The following CD2 variants were observed in gnomAD, a reference collection of about 807,000 sequenced individuals.
CD2 encodes T-cell surface antigen CD2.
In CD2, 18 loss-of-function variants were observed where a neutral mutation model predicts 23.2. That is an observed-to-expected ratio of 0.77 (90% confidence interval 0.54 to 1.15). CD2 has a LOEUF of 1.15. Ranked by LOEUF, CD2 falls within the 50% of genes most tolerant of loss-of-function variation. The pLI, the probability that CD2 is intolerant of heterozygous loss-of-function variation, is 0.00. For missense variants in CD2, 424 were observed against 423.1 expected, an observed-to-expected ratio of 1.00 and a Z score of -0.02; for synonymous variants, 162 against 151.9, an observed-to-expected ratio of 1.07 and a Z score of -0.49.
At chr1:116,765,908 G>A (rs992302412) in intron 4 of CD2, among the ~76,000 whole-genome samples, 1 of 152,262 alleles carries the variant, frequency 6.6e-6, no homozygotes, top group African/African-American at 2.4e-5. Context: ...AGTGCATCCA[G>A]CTTTCAGAGT....
In CD2 at chr1:116,764,618, C is replaced by G. The variant is rs367590649; in HGVS notation, c.736+12C>G. On this transcript the variant is annotated intron_variant, in intron 4 of 4. Transcript: ENST00000369478. ...GAGTCGGAGAAATGGTAAGCTCCCCCTCTTTTGTCCCACCGCAGGCCCCAG... is the reference window on the plus strand; with the variant it reads ...GAGTCGGAGAAATGGTAAGCTCCCCGTCTTTTGTCCCACCGCAGGCCCCAG... 21 of 1,610,502 alleles carry G rather than the reference C, an allele frequency of 1.3e-5. No homozygotes were observed. The highest frequency in any genetic ancestry group is 1.7e-4 in the Middle Eastern group (1 of 5,992).
intron 4 of CD2, among the ~76,000 whole-genome samples, chr1:116,766,843 C>T (rs1369347028): frequency 6.6e-6 from 1 of 152,008 alleles, no homozygotes; most frequent in African/African-American, 2.4e-5. Context: ...GTCTGGGCAA[C>T]AGAGCAAGGC....
chr1:116,760,550 C>T lies in CD2; in HGVS notation c.531C>T (p.Thr177=). Residue 177 remains threonine, a synonymous_variant, in exon 3 of 5, where the codon ACC becomes ACT. Coordinates refer to ENST00000369478, the MANE Select transcript of CD2 (RefSeq NM_001767.5). ...LSQRVITHKW[T]TSLSAKFKCT... is the part of the protein sequence containing the mutation. Reference sequence around the variant, plus strand: ...AGAGGGTCATCACACACAAGTGGACCACCAGCCTGAGTGCAAAATTCAAGT... The same window carrying T: ...AGAGGGTCATCACACACAAGTGGACTACCAGCCTGAGTGCAAAATTCAAGT... 1 of 1,614,192 alleles carries T rather than the reference C, an allele frequency of 6.2e-7. No individual in the cohort carries two copies. The highest frequency in any genetic ancestry group is 1.1e-5 in the South Asian group (1 of 91,078).
At chr1:116,765,379 A>G (rs1280070595) in intron 4 of CD2, among the ~76,000 whole-genome samples, 1 of 152,200 alleles carries the variant, frequency 6.6e-6, no homozygotes, top group Non-Finnish European at 1.5e-5. Flanking sequence ...TAGAACCGGC[A>G]GGCACAGCCA....
chr1:116,761,553 C>A (rs1302775157), intron 3 of CD2, among the ~76,000 whole-genome samples: 2 of 152,170 alleles, frequency 1.3e-5, no homozygotes, highest in Non-Finnish European at 2.9e-5. Context: ...GTGCCCAGGA[C>A]AAAAGTCGTG....
At chr1:116,767,970 G>A (rs189351319) in intron 4 of CD2, among the ~76,000 whole-genome samples, 43 of 152,324 alleles carry the variant, frequency 2.8e-4, no homozygotes, top group African/African-American at 1.0e-3. Flanking sequence ...AAAGTTCCTT[G>A]CATGTGTTCC....
chr1:116,762,403 C>T (rs1364199731), intron 3 of CD2, among the ~76,000 whole-genome samples: 1 of 152,142 alleles, frequency 6.6e-6, no homozygotes, highest in African/African-American at 2.4e-5. Flanking sequence ...GGCTGGAACA[C>T]TTATGTCCCT....
At chr1:116,759,250 C>T (rs931468654) in intron 2 of CD2, among the ~76,000 whole-genome samples, 4 of 152,048 alleles carry the variant, frequency 2.6e-5, no homozygotes, top group Non-Finnish European at 4.4e-5. Flanking sequence ...TTCTGCATGC[C>T]TATATATATC....
At chr1:116,766,899 G>T (rs1215916082) in intron 4 of CD2, among the ~76,000 whole-genome samples, 1 of 151,946 alleles carries the variant, frequency 6.6e-6, no homozygotes, top group Non-Finnish European at 1.5e-5. Context: ...AATAGTGGGT[G>T]AACAGAGTAG....
chr1:116,764,811 G>A (rs916335341), intron 4 of CD2: 9 of 562,618 alleles, frequency 1.6e-5, no homozygotes, highest in African/African-American at 9.4e-5. Context: ...GACAATGTGG[G>A]AGCTTTGAGA....
At chr1:116,764,444 T>C (rs1200252875) in intron 3 of CD2, 40 bp from the exon 4 acceptor site, 1 of 1,607,096 alleles carries the variant, frequency 6.2e-7, no homozygotes, top group South Asian at 1.1e-5. Flanking sequence ...GCTCTCTGCC[T>C]GGACCCCTCC....
chr1:116,756,641 G>A (rs974673055), intron 2 of CD2, among the ~76,000 whole-genome samples: 14 of 151,922 alleles, frequency 9.2e-5, no homozygotes, highest in Admixed American at 1.3e-4. Flanking sequence ...TACTAAAATG[G>A]CCTTCAGTAT....
In CD2 at chr1:116,754,954, A is replaced by G; in HGVS notation, c.382+3A>G. ...AATATTTGATTTGAAGATTCAAGGT[A>G]AGTGTTCATTCCCTTAATTGCTTTA... On this transcript the variant is annotated splice_donor_region_variant and intron_variant, in intron 2 of 4. Coordinates refer to ENST00000369478, the MANE Select transcript of CD2 (RefSeq NM_001767.5). The G allele has an allele frequency of 6.4e-7, 1 of 1,574,632 alleles. No individual in the cohort carries two copies. The highest frequency in any genetic ancestry group is 1.2e-5 in the South Asian group (1 of 86,574).
chr1:116,766,055 A>C (rs1185787351), intron 4 of CD2, among the ~76,000 whole-genome samples: 1 of 152,216 alleles, frequency 6.6e-6, no homozygotes, highest in African/African-American at 2.4e-5. Context: ...AAGGCATAGA[A>C]TTTAAGGAGG....
At chr1:116,760,933 T>C (rs1652029766) in intron 3 of CD2, among the ~76,000 whole-genome samples, 1 of 152,218 alleles carries the variant, frequency 6.6e-6, no homozygotes, top group Admixed American at 6.5e-5. Context: ...GAGTATCTCA[T>C]GCAAAGCCCC....
intron 4 of CD2, among the ~76,000 whole-genome samples, chr1:116,765,478 T>A (rs1226314336): frequency 6.6e-6 from 1 of 152,196 alleles, no homozygotes; most frequent in African/African-American, 2.4e-5. Flanking sequence ...TGGATTTGGC[T>A]TCTTTACCTC....
chr1:116,761,313 G>A (rs1296932688), intron 3 of CD2, among the ~76,000 whole-genome samples: 1 of 152,214 alleles, frequency 6.6e-6, no homozygotes, highest in African/African-American at 2.4e-5. Context: ...TAGAGGTCTG[G>A]ACTTCTAGTT....
chr1:116,767,492 G>A (rs369839060), intron 4 of CD2, among the ~76,000 whole-genome samples: 3 of 151,582 alleles, frequency 2.0e-5, no homozygotes, highest in Non-Finnish European at 4.4e-5. Flanking sequence ...TCAGGAGGCC[G>A]AGGCAGGAGA....
intron 4 of CD2, among the ~76,000 whole-genome samples, chr1:116,768,161 G>T (rs1255829432): frequency 1.3e-5 from 2 of 152,164 alleles, no homozygotes; most frequent in Non-Finnish European, 2.9e-5. Context: ...TCAGCACAGA[G>T]GTAGGGTTCC....
Sources: allele counts gnomAD v4.1 joint callset (sites outside exome capture counted in the v4.1 genomes callset), GRCh38; gene constraint gnomAD v4.1.1; transcripts MANE v1.5; gene names NCBI Gene and HGNC (gene_info 2026-07-23, HGNC 2026-07-21).